The following ZNF704 variants were observed in gnomAD, a reference collection of about 807,000 sequenced individuals.
ZNF704 encodes the protein glucocorticoid induced gene 1.
ZNF704 carries 10 observed loss-of-function variants against 44.7 expected under a neutral mutation model. The observed-to-expected ratio is 0.22, with a 90% CI of 0.14 to 0.38. The LOEUF (loss-of-function observed/expected upper bound fraction) is 0.38, where lower values mean the gene tolerates loss of function less well. ZNF704 is among the 10% of genes least tolerant of loss of function. The pLI, the probability that ZNF704 is intolerant of heterozygous loss-of-function variation, is 1.00. For synonymous variants in ZNF704, 211 were observed against 207.6 expected, an observed-to-expected ratio of 1.02 and a Z score of -0.14; for missense variants, 390 against 545.5, an observed-to-expected ratio of 0.71 and a Z score of 2.84.
intron 1 of ZNF704, among the ~76,000 whole-genome samples, chr8:80,852,107 C>T (rs911556488): frequency 3.3e-5 from 5 of 152,112 alleles, no homozygotes; most frequent in African/African-American, 1.2e-4. Context: ...CCAGTAGGGA[C>T]CCCTTGAAAA....
At chr8:80,852,771 G>A (rs1278284295) in intron 1 of ZNF704, among the ~76,000 whole-genome samples, 1 of 152,136 alleles carries the variant, frequency 6.6e-6, no homozygotes, top group Non-Finnish European at 1.5e-5. Context: ...TCTTAAGTAG[G>A]AGTGAGTGGG....
chr8:80,698,764 C>T (rs1035338681), intron 2 of ZNF704, among the ~76,000 whole-genome samples: 4 of 152,310 alleles, frequency 2.6e-5, no homozygotes, highest in African/African-American at 4.8e-5. Context: ...AGAGGCAGCC[C>T]GGCCAGGTCT....
chr8:80,872,786 G>C (rs1045229314), intron 1 of ZNF704, among the ~76,000 whole-genome samples: 2 of 152,126 alleles, frequency 1.3e-5, no homozygotes, highest in Admixed American at 6.5e-5. Context: ...GACTTCGCTA[G>C]AATTCTCAGC....
At chr8:80,852,979 G>A (rs564740032) in intron 1 of ZNF704, among the ~76,000 whole-genome samples, 1 of 152,174 alleles carries the variant, frequency 6.6e-6, no homozygotes, top group Non-Finnish European at 1.5e-5. Context: ...TAGGTTGCTT[G>A]CTTTGTTTTA....
At chr8:80,823,425 G>A (rs1459910750) in intron 1 of ZNF704, among the ~76,000 whole-genome samples, 1 of 152,212 alleles carries the variant, frequency 6.6e-6, no homozygotes, top group Non-Finnish European at 1.5e-5. Flanking sequence ...CGGCTGGGAA[G>A]CTCGAACCTG....
chr8:80,727,903 G>C (rs1348219677), intron 2 of ZNF704, among the ~76,000 whole-genome samples: 1 of 152,130 alleles, frequency 6.6e-6, no homozygotes, highest in African/African-American at 2.4e-5. Context: ...TCCTGAGCAA[G>C]AGGAAAGCAG....
At chr8:80,718,809 A>G (rs570364555) in intron 2 of ZNF704, among the ~76,000 whole-genome samples, 64 of 152,254 alleles carry the variant, frequency 4.2e-4, no homozygotes, top group Non-Finnish European at 7.5e-4. Flanking sequence ...CAGCTGATAC[A>G]ATTTTTGTAC....
At chr8:80,798,550 C>T (rs932957296) in intron 2 of ZNF704, among the ~76,000 whole-genome samples, 4 of 152,168 alleles carry the variant, frequency 2.6e-5, no homozygotes, top group African/African-American at 7.2e-5. Context: ...CCACGATGCC[C>T]GGCCCTGGTG....
At chr8:80,730,928 T>C (rs1806570844) in intron 2 of ZNF704, among the ~76,000 whole-genome samples, 1 of 152,236 alleles carries the variant, frequency 6.6e-6, no homozygotes, top group Non-Finnish European at 1.5e-5. Flanking sequence ...ATTTGATAAC[T>C]GAAACCAACT....
At chr8:80,726,262 A>G (rs1385192588) in intron 2 of ZNF704, among the ~76,000 whole-genome samples, 1 of 152,114 alleles carries the variant, frequency 6.6e-6, no homozygotes, top group Admixed American at 6.6e-5. Context: ...AAATATCAAC[A>G]CATGTGTTTT....
chr8:80,689,223 T>C (rs190916702), intron 3 of ZNF704, among the ~76,000 whole-genome samples: 33 of 152,310 alleles, frequency 2.2e-4, no homozygotes, highest in Non-Finnish European at 4.1e-4. Flanking sequence ...TGGTAGATTA[T>C]CATTCATGGG....
At chr8:80,650,564 C>T (rs1328861649) in intron 7 of ZNF704, among the ~76,000 whole-genome samples, 1 of 151,964 alleles carries the variant, frequency 6.6e-6, no homozygotes, top group Non-Finnish European at 1.5e-5. Context: ...GAAAGGGTAT[C>T]AGTGATGGAA....
intron 2 of ZNF704, among the ~76,000 whole-genome samples, chr8:80,698,570 G>A (rs1027984832): frequency 6.6e-6 from 1 of 152,162 alleles, no homozygotes; most frequent in African/African-American, 2.4e-5. Context: ...GTAAGGTTGG[G>A]GTGATGCTAT....
At chr8:80,848,886 T>C (rs1808812075) in intron 1 of ZNF704, among the ~76,000 whole-genome samples, 1 of 152,182 alleles carries the variant, frequency 6.6e-6, no homozygotes, top group Admixed American at 6.5e-5. Context: ...GTAAAAGAAC[T>C]TGCTTGAGAT....
chr8:80,836,294 C>T (rs1322396234), intron 1 of ZNF704, among the ~76,000 whole-genome samples: 1 of 152,202 alleles, frequency 6.6e-6, no homozygotes, highest in East Asian at 1.9e-4. Context: ...TGCATCCAGG[C>T]CTTTTTACTG....
chr8:80,754,311 G>A (rs1046681872), intron 2 of ZNF704, among the ~76,000 whole-genome samples: 2 of 152,092 alleles, frequency 1.3e-5, no homozygotes, highest in Admixed American at 1.3e-4. Context: ...TATTTCCTCC[G>A]CACTGGTATG....
intron 1 of ZNF704, among the ~76,000 whole-genome samples, chr8:80,858,596 G>A (rs1809003015): frequency 6.6e-6 from 1 of 152,048 alleles, no homozygotes; most frequent in Non-Finnish European, 1.5e-5. Context: ...AGCCAAGCGT[G>A]GTAGTGCACA....
upstream of ZNF704, among the ~76,000 whole-genome samples, chr8:80,878,425 T>G (rs1809387921): frequency 6.6e-6 from 1 of 152,172 alleles, no homozygotes; most frequent in African/African-American, 2.4e-5. Context: ...ACAAAACATA[T>G]AACAAATTTG....
chr8:80,840,179 G>C (rs933472622), intron 1 of ZNF704, among the ~76,000 whole-genome samples: 1 of 152,234 alleles, frequency 6.6e-6, no homozygotes, highest in Non-Finnish European at 1.5e-5. Flanking sequence ...AGAAGAGATT[G>C]CTACCCCATA....
Sources: allele counts gnomAD v4.1 joint callset (sites outside exome capture counted in the v4.1 genomes callset), GRCh38; gene constraint gnomAD v4.1.1; transcripts MANE v1.5; gene names NCBI Gene and HGNC (gene_info 2026-07-23, HGNC 2026-07-21).